ZNF391: variants seen among roughly 807,000 people sequenced by gnomAD.
ZNF391 encodes the protein zinc finger protein 391.
For synonymous variants in ZNF391, 126 were observed against 142.1 expected (o/e 0.89, Z 0.80); for missense variants, 375 against 425.5 (o/e 0.88, Z 1.04).
upstream of ZNF391, chr6:27,388,655 T>A: frequency 6.3e-6 from 2 of 316,596 alleles, no homozygotes; most frequent in South Asian, 5.1e-5. Context: ...GGGAGGGGCT[T>A]TGCAAAACCT....
Position 27,400,653 on chromosome 6 carries a change from G to C in ZNF391, c.283G>C (p.Asp95His). The change falls in exon 3 of 3, where the codon GAC (aspartate) becomes CAC (histidine). Residue 95 changes from aspartate (D) to histidine (H), a missense_variant. By Grantham distance (81) the Asp-to-His change is moderately conservative. Transcript: ENST00000244576. Reference sequence around the variant, plus strand: ...TAGGAAAAACTCCAAAGATAATTCAGACTTAATTAAACACCAAAGACTTTT... The same window carrying C: ...TAGGAAAAACTCCAAAGATAATTCACACTTAATTAAACACCAAAGACTTTT... ...ISRKNSKDNS[D>H]LIKHQRLFSQ... The C allele has an allele frequency of 6.2e-7, 1 of 1,614,114 alleles. No individual in the cohort carries two copies. Among genetic ancestry groups the C allele is most frequent in the Non-Finnish European group, 8.5e-7 (1 of 1,180,038 alleles).
intron 1 of ZNF391, among the ~76,000 whole-genome samples, chr6:27,377,812 G>A (rs143762415): frequency 1.3e-3 from 193 of 152,298 alleles, no homozygotes; most frequent in African/African-American, 4.5e-3. Context: ...TTCTGGGTTC[G>A]CAGTGTTTAA....
Position 27,400,362 on chromosome 6 carries a change from G to A in ZNF391, c.-9G>A. 2.5e-6 allele frequency: 4 copies of A among 1,577,054 alleles called. No homozygotes were observed. The highest frequency in any genetic ancestry group is 3.4e-6 in the Non-Finnish European group (4 of 1,164,624). ...TGTTTCCGAAGAACTAGAGTTTTCTGGGTCAGCAATGGAAAGCCTCAGAGG... is the reference window on the plus strand; with the variant it reads ...TGTTTCCGAAGAACTAGAGTTTTCTAGGTCAGCAATGGAAAGCCTCAGAGG... On this transcript the variant is annotated 5_prime_UTR_variant, in exon 3 of 3. Coordinates refer to ENST00000244576, the MANE Select transcript of ZNF391 (RefSeq NM_001076781.3).
chr6:27,392,963 C>T (rs925199886), intron 1 of ZNF391, among the ~76,000 whole-genome samples: 2 of 115,512 alleles, frequency 1.7e-5, no homozygotes, highest in Non-Finnish European at 3.8e-5. Context: ...TAGGCAGGCC[C>T]AAAGAAAGAC....
In ZNF391 at chr6:27,388,958, C is replaced by A. The variant is rs1463239166; in HGVS notation, c.-305C>A. The A allele has an allele frequency of 2.2e-6, 1 of 456,400 alleles. No homozygotes were observed. The highest frequency in any genetic ancestry group is 2.0e-5 in the African/African-American group (1 of 50,068). 28.3% of individuals were successfully genotyped at this position (456,400 alleles called of 1,614,324 possible). A position where few individuals can be genotyped will look rare whatever the true frequency, so the allele number is the denominator to read the frequency against. On this transcript the variant is annotated 5_prime_UTR_variant, in exon 1 of 3. Coordinates refer to ENST00000244576, the MANE Select transcript of ZNF391 (RefSeq NM_001076781.3). ...ATGGGTTTCTCTTTAATCCTTCCGACTTCCCCAAGCCCAGCGCACTCAGGT... is the reference window on the plus strand; with the variant it reads ...ATGGGTTTCTCTTTAATCCTTCCGAATTCCCCAAGCCCAGCGCACTCAGGT...
At chr6:27,396,436 A>T (rs943726203) in intron 1 of ZNF391, among the ~76,000 whole-genome samples, 1 of 152,060 alleles carries the variant, frequency 6.6e-6, no homozygotes, top group African/African-American at 2.4e-5. Context: ...AAAAAAATGT[A>T]TATTTTGGCT....
intron 1 of ZNF391, among the ~76,000 whole-genome samples, chr6:27,380,148 G>T (rs1411512497): frequency 3.9e-5 from 6 of 152,208 alleles, no homozygotes; most frequent in Non-Finnish European, 7.3e-5. Flanking sequence ...AATTAGTCAG[G>T]TAGAGTGATA....
At chr6:27,378,960 C>T (rs934784523) in intron 1 of ZNF391, among the ~76,000 whole-genome samples, 4 of 151,802 alleles carry the variant, frequency 2.6e-5, no homozygotes, top group African/African-American at 9.7e-5. Flanking sequence ...ATTCCTCTCT[C>T]TATATTCATA....
chr6:27,392,562 G>A (rs991939730), intron 1 of ZNF391, among the ~76,000 whole-genome samples: 6 of 152,162 alleles, frequency 3.9e-5, no homozygotes, highest in Non-Finnish European at 5.9e-5. Context: ...TTACTCCATC[G>A]GTTACATAGA....
rs1365050248 is a variant in ZNF391, at chr6:27,401,470, A to G, written c.*23A>G. The G allele has an allele frequency of 6.4e-7, 1 of 1,564,900 alleles. No individual in the cohort carries two copies. Among genetic ancestry groups the G allele is most frequent in the Admixed American group, 1.8e-5 (1 of 56,886 alleles). ...TAATATCTGAGCTTTTATTAATGTT[A>G]GCATAAGAACACATATACCTAACCT... is the stretch of plus-strand genomic sequence containing the variant. On this transcript the variant is annotated 3_prime_UTR_variant, in exon 3 of 3. Transcript: ENST00000244576.
intron 1 of ZNF391, among the ~76,000 whole-genome samples, chr6:27,398,798 G>A (rs1199676118): frequency 1.3e-5 from 2 of 152,110 alleles, no homozygotes; most frequent in African/African-American, 4.8e-5. Context: ...GGCGGAGCTT[G>A]CAGTGAGCCG....
At position 27,388,866 on chromosome 6, in the gene ZNF391, C is replaced by T; in HGVS notation, c.-397C>T. ...ATACCGAGCAGAGCATGATCAGCAG[C>T]AGTCTGAGTGGAAGAGTGCCTGTGA... is the stretch of plus-strand genomic sequence containing the variant. On this transcript the variant is annotated 5_prime_UTR_variant, in exon 1 of 3. The change creates a premature stop within an existing upstream ORF in the 5' untranslated region. Transcript: ENST00000244576. 1 of 454,314 alleles carries T rather than the reference C, an allele frequency of 2.2e-6. No homozygotes were observed. 28.1% of individuals were successfully genotyped at this position (454,314 alleles called of 1,614,324 possible).
rs752670707 is a variant in ZNF391 at position 27,400,948 on chromosome 6, A to G, written c.578A>G (p.Tyr193Cys). ...AGAATCCATACTGGAGAAAAACCAT[A>G]TGAATGTAGTGAATGTGGAAAAGCC... Reference protein sequence around the residue: ...HQRIHTGEKPYECSECGKAFS... With the variant: ...HQRIHTGEKPCECSECGKAFS... The change falls in exon 3 of 3, where the codon TAT (tyrosine) becomes TGT (cysteine). Residue 193 changes from tyrosine to cysteine, a missense_variant. Coordinates refer to ENST00000244576, the MANE Select transcript of ZNF391 (RefSeq NM_001076781.3). 16 of 1,614,096 alleles carry G rather than the reference A, an allele frequency of 9.9e-6. No homozygotes were observed. In the East Asian group the frequency reaches 2.4e-4, roughly 25 times the overall value.
chr6:27,395,371 G>T (rs10080571), intron 1 of ZNF391, among the ~76,000 whole-genome samples: 1 of 151,390 alleles, frequency 6.6e-6, no homozygotes, highest in African/African-American at 2.4e-5. Context: ...TCATCTCCCT[G>T]CCTGCCTTGC....
At position 27,401,768 on chromosome 6, in the gene ZNF391, T is replaced by G. The variant is rs145596433; in HGVS notation, c.*321T>G. On this transcript the variant is annotated 3_prime_UTR_variant, in exon 3 of 3. Transcript: ENST00000244576. ...ATCTAATATTCTGAAGGGCTCCAACTTTAGAGTATAAAGCTATCTGACACC... is the reference window on the plus strand; with the variant it reads ...ATCTAATATTCTGAAGGGCTCCAACGTTAGAGTATAAAGCTATCTGACACC... The G allele has an allele frequency of 2.2e-3, 433 of 198,090 alleles. No homozygotes were observed. Among genetic ancestry groups the G allele is most frequent in the African/African-American group, 9.3e-3 (398 of 42,824 alleles). The allele number at this position is 198,090 out of a possible 1,614,324, so 12.3% of individuals were successfully genotyped here. A position where few individuals can be genotyped will look rare whatever the true frequency, so the allele number is the denominator to read the frequency against.
chr6:27,398,058 G>A (rs1303010842), intron 1 of ZNF391, among the ~76,000 whole-genome samples: 1 of 152,190 alleles, frequency 6.6e-6, no homozygotes, highest in African/African-American at 2.4e-5. Flanking sequence ...AACACAGACA[G>A]CATCATCCTG....
Position 27,398,669 on chromosome 6 carries a change from T to C in ZNF391, c.-187-773T>C, listed in dbSNP as rs190944999. ...GTCAGGAGATCGAGACCATCCTGGCTAACACAGTGAAACCCCGTCTCTACT... is the reference window on the plus strand; with the variant it reads ...GTCAGGAGATCGAGACCATCCTGGCCAACACAGTGAAACCCCGTCTCTACT... On this transcript the variant is annotated intron_variant, in intron 1 of 2. Transcript: ENST00000244576. 3.2e-3 allele frequency among the ~76,000 whole-genome samples: 492 copies of C among 152,180 alleles called. 1 individual carries two copies. The highest frequency in any genetic ancestry group is 3.9e-3 in the Non-Finnish European group (268 of 67,996).
chr6:27,391,708 GAC>G (rs1027537967), intron 1 of ZNF391, among the ~76,000 whole-genome samples: 1 of 152,154 alleles, frequency 6.6e-6, no homozygotes, highest in Non-Finnish European at 1.5e-5. Flanking sequence ...ACCAACCAGA[GAC>G]ACATTTATTT....
chr6:27,392,739 A>G (rs1366095059), intron 1 of ZNF391, among the ~76,000 whole-genome samples: 2 of 152,258 alleles, frequency 1.3e-5, no homozygotes, highest in African/African-American at 4.8e-5. Flanking sequence ...CTAAACAGAA[A>G]GTGTGATTCA....
Sources: gnomAD v4.1 joint callset for allele counts (sites outside exome capture counted in the v4.1 genomes callset) on GRCh38, gnomAD v4.1.1 for gene constraint, MANE v1.5 for transcripts, NCBI Gene and HGNC (gene_info 2026-07-23, HGNC 2026-07-21) for gene names.